Variants in WDR43 observed in about 807,000 individuals in gnomAD.
The protein encoded by WDR43 is WD repeat-containing protein 43.
Under a neutral mutation model 91.4 loss-of-function variants are expected in WDR43, and 13 were observed. That is an observed-to-expected ratio of 0.14 (90% CI 0.09 to 0.23). WDR43 has a LOEUF of 0.23. WDR43 is among the 10% of genes least tolerant of loss of function. The pLI is 1.00. For synonymous variants in WDR43, 331 were observed against 287.9 expected (o/e 1.15, Z -1.51); for missense variants, 780 against 809.4 (o/e 0.96, Z 0.44).
At chr2:28,905,725 C>T (rs982623571) in intron 2 of WDR43, among the ~76,000 whole-genome samples, 38 of 147,538 alleles carry the variant, frequency 2.6e-4, no homozygotes, top group Middle Eastern at 3.5e-3. Context: ...GAGGCAATGG[C>T]GCAATCTTGG....
rs1372352410 is a variant in WDR43 at position 28,901,992 on chromosome 2, T to A, written c.231T>A (p.Ser77Arg). The change falls in exon 2 of 18, where the codon AGT (serine) becomes AGA (arginine). Residue 77 changes from serine to arginine, a missense_variant. Coordinates refer to ENST00000407426, the MANE Select transcript of WDR43 (RefSeq NM_015131.3). The stretch of plus-strand genomic sequence containing the variant: ...TTGTTTTTCTTTTTTTCCAGGAAAG[T>A]CCCCAGAGGAAAAAAAGGAAATCAG... ...WAPARLQAKESPQRKKRKSEA... is the reference protein window; with the variant it reads ...WAPARLQAKERPQRKKRKSEA... 7 of 1,586,998 alleles carry A rather than the reference T, an allele frequency of 4.4e-6. No individual in the cohort carries two copies. The highest frequency in any genetic ancestry group is 6.0e-6 in the Non-Finnish European group (7 of 1,173,188).
intron 6 of WDR43, among the ~76,000 whole-genome samples, chr2:28,921,096 GATA>G (rs1389146695): frequency 6.6e-6 from 1 of 151,436 alleles, no homozygotes; most frequent in Admixed American, 6.6e-5. Flanking sequence ...TAAAATTATT[GATA>G]ATAAAGAAGG....
intron 3 of WDR43, among the ~76,000 whole-genome samples, chr2:28,910,967 G>A (rs1181745241): frequency 2.0e-5 from 3 of 151,788 alleles, no homozygotes; most frequent in African/African-American, 7.3e-5. Context: ...CAAAGTGCTG[G>A]GATTACAGAT....
intron 15 of WDR43, among the ~76,000 whole-genome samples, 171 bp from the exon 16 acceptor site, chr2:28,942,141 T>G (rs564299700): frequency 6.6e-6 from 1 of 152,326 alleles, no homozygotes; most frequent in East Asian, 1.9e-4. Context: ...AGTAATTCTT[T>G]CCCTCTTGTA....
chr2:28,935,211 T>A (rs1171030139), intron 11 of WDR43, among the ~76,000 whole-genome samples: 1 of 152,206 alleles, frequency 6.6e-6, no homozygotes, highest in Non-Finnish European at 1.5e-5. Context: ...TTTGGGAACA[T>A]CTTTAAAGTG....
intron 4 of WDR43, chr2:28,913,675 A>T (rs1402473066): frequency 5.7e-6 from 3 of 522,060 alleles, no homozygotes; most frequent in Non-Finnish European, 1.1e-5. Context: ...TGCTGTGATG[A>T]TGCCTTAATA....
At chr2:28,916,001 A>G (rs923238463) in intron 5 of WDR43, among the ~76,000 whole-genome samples, 3 of 152,180 alleles carry the variant, frequency 2.0e-5, no homozygotes, top group Non-Finnish European at 4.4e-5. Flanking sequence ...TAAAATTTGT[A>G]CCTAAATTTT....
chr2:28,914,365 T>G (rs1372951403), intron 5 of WDR43, among the ~76,000 whole-genome samples, 157 bp downstream of exon 5: 1 of 152,220 alleles, frequency 6.6e-6, no homozygotes, highest in African/African-American at 2.4e-5. Context: ...ACAAAACAGA[T>G]CTTTCTGAGA....
intron 11 of WDR43, among the ~76,000 whole-genome samples, chr2:28,931,243 A>G (rs550994177): frequency 2.8e-4 from 43 of 152,022 alleles, no homozygotes; most frequent in African/African-American, 1.0e-3. Context: ...CACCATGCCC[A>G]GCTAATTTTT....
At chr2:28,942,249 GT>G (rs1186642222) in intron 15 of WDR43, 62 bp from the exon 16 acceptor site, 2 of 1,527,728 alleles carry the variant, frequency 1.3e-6, no homozygotes, top group Non-Finnish European at 1.8e-6. Context: ...GGGTATGCTG[GT>G]GGTCGTGATA....
chr2:28,922,332 T>G (rs536523352), intron 6 of WDR43, among the ~76,000 whole-genome samples: 2 of 152,348 alleles, frequency 1.3e-5, no homozygotes, highest in South Asian at 4.1e-4. Context: ...TAAGCTTTCC[T>G]TAAGAAAGTT....
chr2:28,908,577 T>C (rs1670728591), intron 3 of WDR43, among the ~76,000 whole-genome samples: 4 of 149,794 alleles, frequency 2.7e-5, no homozygotes, highest in African/African-American at 9.8e-5. Flanking sequence ...GTGTGCGTTT[T>C]ATTGTATGTA....
intron 5 of WDR43, among the ~76,000 whole-genome samples, chr2:28,917,074 A>G (rs2148186860): frequency 1.3e-5 from 2 of 152,292 alleles, no homozygotes; most frequent in Middle Eastern, 6.8e-3. Context: ...CGTTGTAATT[A>G]GTGAAATCTC....
In WDR43 at chr2:28,947,814, G is replaced by A. The variant is rs1179496899; in HGVS notation, c.*1035G>A. 1.4e-5 allele frequency: 2 copies of A among 141,690 alleles called. No individual in the cohort carries two copies. The highest frequency in any genetic ancestry group is 3.0e-5 in the Non-Finnish European group (2 of 65,726). 8.8% of individuals were successfully genotyped at this position (141,690 alleles called of 1,614,324 possible). The stretch of plus-strand genomic sequence containing the variant: ...GTCTCACTCAAGATTTTTTATGTAT[G>A]TATAAATATTTTGGTGTGCTACAAA... On this transcript the variant is annotated 3_prime_UTR_variant, in exon 18 of 18. Transcript: ENST00000407426.
chr2:28,926,678 AT>A lies in WDR43; in HGVS notation c.1173+125del, dbSNP rs1316928592. 6.9e-6 allele frequency: 6 copies of A among 870,986 alleles called. No homozygotes were observed. In the African/African-American group the frequency reaches 1.0e-4, roughly 15 times the overall value. The allele number at this position is 870,986 out of a possible 1,614,324, so 54.0% of individuals were successfully genotyped here. ...TTTAATATCTTTATTCTCTTGTCTT[AT>A]AAATTTTGTGGGATTATGGTTTTAG... On this transcript the variant is annotated intron_variant, in intron 9 of 17. Coordinates refer to ENST00000407426, the MANE Select transcript of WDR43 (RefSeq NM_015131.3).
chr2:28,937,753 C>T (rs1304771457), intron 13 of WDR43, among the ~76,000 whole-genome samples, 178 bp from the exon 14 acceptor site: 1 of 152,122 alleles, frequency 6.6e-6, no homozygotes, highest in Non-Finnish European at 1.5e-5. Flanking sequence ...TGACACAGAG[C>T]TCAGATAATC....
chr2:28,901,420 C>T (rs186092685), intron 1 of WDR43, among the ~76,000 whole-genome samples: 3 of 152,222 alleles, frequency 2.0e-5, no homozygotes, highest in Middle Eastern at 3.2e-3. Flanking sequence ...GGCAACTTCT[C>T]TCTTGTGTGC....
At chr2:28,918,036 C>T (rs1222796851) in intron 6 of WDR43, 41 bp downstream of exon 6, 4 of 1,493,674 alleles carry the variant, frequency 2.7e-6, no homozygotes, top group Non-Finnish European at 3.6e-6. Flanking sequence ...TTGGGTTTCA[C>T]AGATGTTATT....
chr2:28,938,211 T>G (rs914689630), intron 14 of WDR43, among the ~76,000 whole-genome samples: 1 of 152,154 alleles, frequency 6.6e-6, no homozygotes, highest in Admixed American at 6.5e-5. Flanking sequence ...TCTTCCCCTC[T>G]GCCCCCCGGA....
Sources: allele counts gnomAD v4.1 joint callset (sites outside exome capture counted in the v4.1 genomes callset), GRCh38; gene constraint gnomAD v4.1.1; transcripts MANE v1.5; gene names NCBI Gene and HGNC (gene_info 2026-07-23, HGNC 2026-07-21).